Variants in RSRP1 observed in about 807,000 individuals in gnomAD.
The protein encoded by RSRP1 is arginine and serine rich protein 1, also known as arginine/serine-rich protein 1.
A neutral mutation model predicts 33.0 loss-of-function variants in RSRP1; 37 were observed. That is an observed-to-expected ratio of 1.12 (90% CI 0.86 to 1.48). The LOEUF (loss-of-function observed/expected upper bound fraction) is 1.48, where lower values mean the gene tolerates loss of function less well. RSRP1 is among the 40% of genes most tolerant of loss of function. RSRP1 has a pLI of 0.00. For synonymous variants in RSRP1, 167 were observed against 158.7 expected, an observed-to-expected ratio of 1.05 and a Z score of -0.40; for missense variants, 402 against 385.3, an observed-to-expected ratio of 1.04 and a Z score of -0.36.
intron 1 of RSRP1, chr1:25,266,210 G>A (rs1483871765): frequency 2.3e-5 from 3 of 131,956 alleles, no homozygotes; most frequent in African/African-American, 7.7e-5. Flanking sequence ...ATTAGTAAGA[G>A]TAATATAAAG....
At chr1:25,252,028 G>A (rs1010428649), upstream of RSRP1, among the ~76,000 whole-genome samples, 3 of 151,144 alleles carry the variant, frequency 2.0e-5, no homozygotes, top group Non-Finnish European at 4.4e-5. Flanking sequence ...GCAGCTGGGA[G>A]TACAGGTGCA....
In RSRP1 at chr1:25,285,395, A is replaced by C. The variant is rs1035381544; in HGVS notation, c.-66-38366T>G. Among the ~76,000 whole-genome samples the C allele has an allele frequency of 2.2e-5, 3 of 134,780 alleles. 1 individual carries two copies. The highest frequency in any genetic ancestry group is 7.7e-5 in the African/African-American group (3 of 38,950). The allele number at this position is 134,780 out of a possible 152,430, so 88.4% of individuals were successfully genotyped here. On this transcript the variant is annotated intron_variant, in intron 1 of 1. Transcript: ENST00000561867. Reference sequence around the variant, plus strand: ...GTGATCCGCCCGCCTCGGCCTCCCAAAGTGCTGGGATTACAGACATGAGCC... The same window carrying C: ...GTGATCCGCCCGCCTCGGCCTCCCACAGTGCTGGGATTACAGACATGAGCC...
chr1:25,285,787 T>C (rs1303918131), intron 1 of RSRP1, among the ~76,000 whole-genome samples: 2 of 135,178 alleles, frequency 1.5e-5, no homozygotes, highest in Non-Finnish European at 3.5e-5. Context: ...TGTTTTGTTT[T>C]GTTCAAACCT....
chr1:25,297,681 A>G (rs1643067476), intron 1 of RSRP1, among the ~76,000 whole-genome samples: 1 of 132,316 alleles, frequency 7.6e-6, no homozygotes. Flanking sequence ...TCCGGTTTAC[A>G]CACTTCCATT....
chr1:25,246,986 C>T lies in RSRP1; in HGVS notation c.-23G>A, dbSNP rs1466926000. 1.3e-6 allele frequency: 2 copies of T among 1,533,296 alleles called. No individual in the cohort carries two copies. Among genetic ancestry groups the T allele is most frequent in the South Asian group, 1.2e-5 (1 of 81,710 alleles). 95.0% of individuals were successfully genotyped at this position (1,533,296 alleles called of 1,614,324 possible). ...CATCTTCACCTGCGGCTTTAGCCTG[C>T]GCTTTCTCCGGAAAGGATCCCGCAA... is the stretch of plus-strand genomic sequence containing the variant. On this transcript the variant is annotated 5_prime_UTR_variant, in exon 2 of 5. Coordinates refer to ENST00000243189, the MANE Select transcript of RSRP1 (RefSeq NM_020317.5).
At chr1:25,277,065 T>TA (rs1312886734) in intron 1 of RSRP1, among the ~76,000 whole-genome samples, 4 of 129,554 alleles carry the variant, frequency 3.1e-5, no homozygotes, top group African/African-American at 7.8e-5. Flanking sequence ...AGACTCCGTC[T>TA]AAAAAAAAAT....
At position 25,243,610 on chromosome 1, in the gene RSRP1, A is replaced by G. The variant is rs756915885; in HGVS notation, c.696T>C (p.Asp232=). 13 of 1,613,728 alleles carry G rather than the reference A, an allele frequency of 8.1e-6. No individual in the cohort carries two copies. The East Asian group carries it at 2.9e-4, about 36-fold the overall frequency. Reference sequence around the variant, plus strand: ...GTTTTTCATTGGGATTTCGAGTTCCATCTTCTGTTACCTTTTCCGACAGCT... The same window carrying G: ...GTTTTTCATTGGGATTTCGAGTTCCGTCTTCTGTTACCTTTTCCGACAGCT... The part of the protein sequence containing the change: ...KPELSEKVTE[D]GTRNPNEKPT... The change falls in exon 4 of 5, where the codon GAT becomes GAC. Residue 232 remains aspartate, a synonymous_variant. Coordinates refer to ENST00000243189, the MANE Select transcript of RSRP1 (RefSeq NM_020317.5).
chr1:25,330,387 C>T lies in RSRP1; in HGVS notation c.-67+7591G>A, dbSNP rs1644977408. ...ATTTTCTTTGAAAATTCTGGCAGAC[C>T]AAGGTTCTTTTTGTTTACATAATAC... On this transcript the variant is annotated intron_variant, in intron 1 of 1. Coordinates refer to the RSRP1 transcript ENST00000561867. The T allele has an allele frequency of 3.8e-5, 5 of 132,728 alleles. No individual in the cohort carries two copies. The South Asian group carries it at 1.2e-3, about 31-fold the overall frequency. 8.2% of individuals were successfully genotyped at this position (132,728 alleles called of 1,614,324 possible).
upstream of RSRP1, chr1:25,248,448 T>G (rs1206463629): frequency 6.7e-6 from 1 of 150,080 alleles, no homozygotes; most frequent in East Asian, 2.0e-4. Context: ...CCCGAAGAGC[T>G]GGAACTACAG....
In RSRP1 at chr1:25,303,029, A is replaced by T. The variant is rs1643509570; in HGVS notation, c.-67+34949T>A. Among the ~76,000 whole-genome samples, 2 of 130,922 alleles carry T rather than the reference A, an allele frequency of 1.5e-5. 1 individual carries two copies. Among genetic ancestry groups the T allele is most frequent in the Non-Finnish European group, 3.6e-5 (2 of 55,370 alleles). The allele number at this position is 130,922 out of a possible 152,430, so 85.9% of individuals were successfully genotyped here. A position where few individuals can be genotyped will look rare whatever the true frequency, so the allele number is the denominator to read the frequency against. ...TCCCGCTGCCCAGGGACACACCACT[A>T]ATGAGTGTGATGGGTGCCTAGGATG... On this transcript the variant is annotated intron_variant, in intron 1 of 1. Transcript: ENST00000561867.
intron 3 of RSRP1, 76 bp downstream of exon 3, chr1:25,245,074 C>A: frequency 6.2e-7 from 1 of 1,612,688 alleles, no homozygotes; most frequent in Non-Finnish European, 8.5e-7. Flanking sequence ...AAAGTATAGT[C>A]TAAGATATAA....
At chr1:25,296,269 G>C (rs1012869663) in intron 1 of RSRP1, among the ~76,000 whole-genome samples, 1 of 127,366 alleles carries the variant, frequency 7.9e-6, no homozygotes, top group Non-Finnish European at 1.8e-5. Context: ...TTGAGACAGA[G>C]TCTTGCTCCA....
At chr1:25,298,488 C>T (rs1643119942) in intron 1 of RSRP1, among the ~76,000 whole-genome samples, 1 of 127,912 alleles carries the variant, frequency 7.8e-6, no homozygotes, top group African/African-American at 2.6e-5. Context: ...GAGCCAGGGA[C>T]CAGAGTCATT....
intron 1 of RSRP1, among the ~76,000 whole-genome samples, chr1:25,282,877 A>G (rs1295797994): frequency 1.5e-5 from 2 of 130,414 alleles, no homozygotes; most frequent in Admixed American, 1.5e-4. Context: ...CCTGGGCAAC[A>G]GAGAGACTCT....
chr1:25,248,936 A>G (rs1639678115), upstream of RSRP1, among the ~76,000 whole-genome samples: 2 of 152,120 alleles, frequency 1.3e-5, no homozygotes, highest in Non-Finnish European at 2.9e-5. Context: ...ATCACCTAAG[A>G]TCAGGAGTTC....
At chr1:25,243,318 AGG>A (rs1321888824) in intron 4 of RSRP1, among the ~76,000 whole-genome samples, 1 of 152,204 alleles carries the variant, frequency 6.6e-6, no homozygotes, top group Non-Finnish European at 1.5e-5. Context: ...TCAATAAAAA[AGG>A]GGGGACACTT....
chr1:25,255,537 G>C (rs1195563231), intron 1 of RSRP1, among the ~76,000 whole-genome samples: 2 of 152,118 alleles, frequency 1.3e-5, no homozygotes, highest in African/African-American at 4.8e-5. Context: ...TCGGCAACAG[G>C]GACCAGTTTC....
chr1:25,248,430 C>T (rs1430673937), upstream of RSRP1: 1 of 151,248 alleles, frequency 6.6e-6, no homozygotes, highest in African/African-American at 2.4e-5. Context: ...CTCACTGCAG[C>T]CCAGGCTCCC....
Position 25,242,517 on chromosome 1 carries a change from G to A in RSRP1, c.*72C>T. ...TACCCCTGAATGGCTCAAAGGGATG[G>A]GATAATGCTAGAAACACTAACTTGC... is the stretch of plus-strand genomic sequence containing the variant. On this transcript the variant is annotated 3_prime_UTR_variant, in exon 5 of 5. Transcript: ENST00000243189. 1.1e-6 allele frequency: 1 copy of A among 929,346 alleles called. No individual in the cohort carries two copies. Among genetic ancestry groups the A allele is most frequent in the South Asian group, 1.5e-5 (1 of 67,562 alleles). 57.6% of individuals were successfully genotyped at this position (929,346 alleles called of 1,614,324 possible).
Sources: gnomAD v4.1 joint callset for allele counts (sites outside exome capture counted in the v4.1 genomes callset) on GRCh38, gnomAD v4.1.1 for gene constraint, MANE v1.5 for transcripts, NCBI Gene and HGNC (gene_info 2026-07-23, HGNC 2026-07-21) for gene names.